DPP10: variants seen among roughly 807,000 people sequenced by gnomAD.
DPP10 encodes dipeptidyl peptidase like 10, also known as inactive dipeptidyl peptidase 10.
Under a neutral mutation model 120.9 loss-of-function variants are expected in DPP10, and 33 were observed. The observed-to-expected ratio is 0.27, with a 90% CI of 0.21 to 0.37. DPP10 has a LOEUF of 0.37. Ranked by LOEUF, DPP10 falls within the 10% of genes least tolerant of loss-of-function variation. DPP10 has a pLI of 1.00. For missense variants in DPP10, 816 were observed against 942.8 expected (o/e 0.87, Z 1.76); for synonymous variants, 337 against 326.1 (o/e 1.03, Z -0.36).
At chr2:114,721,139 T>C (rs1701681251) in intron 1 of DPP10, among the ~76,000 whole-genome samples, 1 of 152,248 alleles carries the variant, frequency 6.6e-6, no homozygotes, top group Non-Finnish European at 1.5e-5. Flanking sequence ...ATGCTCTGAC[T>C]TCTTCAAGCA....
At chr2:114,692,062 G>GT (rs1409043770) in intron 1 of DPP10, among the ~76,000 whole-genome samples, 3 of 151,860 alleles carry the variant, frequency 2.0e-5, no homozygotes, top group Non-Finnish European at 2.9e-5. Flanking sequence ...TTTTTGAAGG[G>GT]TTTTTTGTGT....
intron 1 of DPP10, among the ~76,000 whole-genome samples, chr2:114,891,006 C>T (rs989776845): frequency 1.3e-5 from 2 of 152,158 alleles, no homozygotes; most frequent in African/African-American, 4.8e-5. Flanking sequence ...TGGTTTTCAG[C>T]TGCCAGCAGT....
chr2:115,392,077 A>C (rs1421345369), intron 3 of DPP10, among the ~76,000 whole-genome samples: 1 of 152,190 alleles, frequency 6.6e-6, no homozygotes, highest in Non-Finnish European at 1.5e-5. Flanking sequence ...TCTTATGGTC[A>C]TTAAGGTCCC....
chr2:114,752,561 C>A (rs1316723864), intron 1 of DPP10, among the ~76,000 whole-genome samples: 3 of 152,160 alleles, frequency 2.0e-5, no homozygotes, highest in Non-Finnish European at 4.4e-5. Context: ...TTACTCACCG[C>A]CAAGAGCCTG....
chr2:114,460,195 A>G (rs564179933), intron 1 of DPP10, among the ~76,000 whole-genome samples: 114 of 151,874 alleles, frequency 7.5e-4, no homozygotes, highest in Non-Finnish European at 1.2e-3. Context: ...CTATCTATCT[A>G]TCTATCTATC....
chr2:115,791,461 G>A (rs1020434591), intron 19 of DPP10, 105 bp downstream of exon 19: 14 of 986,680 alleles, frequency 1.4e-5, no homozygotes, highest in African/African-American at 3.3e-5. Flanking sequence ...TCCTATGTGT[G>A]TAGTTAATCA....
intron 2 of DPP10, among the ~76,000 whole-genome samples, chr2:115,342,582 T>C (rs1574493439): frequency 2.0e-5 from 3 of 152,118 alleles, no homozygotes; most frequent in Non-Finnish European, 4.4e-5. Context: ...ATGTCTCCTA[T>C]CCTTTACAGT....
At chr2:115,449,679 T>C (rs1373380248) in intron 3 of DPP10, among the ~76,000 whole-genome samples, 4 of 152,086 alleles carry the variant, frequency 2.6e-5, no homozygotes, top group African/African-American at 4.8e-5. Flanking sequence ...ACGGAGACTT[T>C]GATTGCCATT....
chr2:115,236,003 T>C (rs1574109717), intron 1 of DPP10, among the ~76,000 whole-genome samples: 1 of 152,228 alleles, frequency 6.6e-6, no homozygotes, highest in East Asian at 1.9e-4. Context: ...AGGTCATAAC[T>C]AAAAAATTTA....
chr2:115,641,502 A>T (rs1002730706), intron 5 of DPP10, among the ~76,000 whole-genome samples: 1 of 151,950 alleles, frequency 6.6e-6, no homozygotes, highest in African/African-American at 2.4e-5. Flanking sequence ...TCTTTAAACC[A>T]GCCTACATAA....
chr2:115,619,283 G>C (rs185036761), intron 5 of DPP10, among the ~76,000 whole-genome samples: 2 of 151,246 alleles, frequency 1.3e-5, no homozygotes, highest in East Asian at 2.0e-4. Context: ...CACCATGTTA[G>C]CCAGGATAGT....
chr2:115,718,219 G>A (rs1363936085), intron 7 of DPP10, among the ~76,000 whole-genome samples: 1 of 151,372 alleles, frequency 6.6e-6, no homozygotes, highest in Non-Finnish European at 1.5e-5. Context: ...CTATGTACAG[G>A]TACACTGACC....
intron 1 of DPP10, among the ~76,000 whole-genome samples, chr2:114,818,509 C>T (rs1685821711): frequency 6.6e-6 from 1 of 152,114 alleles, no homozygotes; most frequent in Non-Finnish European, 1.5e-5. Context: ...CTGGGGATTT[C>T]CTTAGGCGAT....
chr2:114,911,882 G>A (rs1694393764), intron 1 of DPP10, among the ~76,000 whole-genome samples: 1 of 152,172 alleles, frequency 6.6e-6, no homozygotes, highest in Non-Finnish European at 1.5e-5. Context: ...CAGAGAGGGA[G>A]AGAACTTAGG....
chr2:115,652,419 G>A (rs1022557398), intron 5 of DPP10, among the ~76,000 whole-genome samples: 36 of 150,352 alleles, frequency 2.4e-4, no homozygotes, highest in East Asian at 3.9e-4. Context: ...ATGTGTGTGT[G>A]TGTGTGTGTG....
At chr2:115,331,530 G>A (rs1023383440) in intron 2 of DPP10, among the ~76,000 whole-genome samples, 4 of 152,114 alleles carry the variant, frequency 2.6e-5, no homozygotes, top group African/African-American at 9.7e-5. Context: ...CCCAGTTTTT[G>A]CCCATTCAGT....
intron 1 of DPP10, among the ~76,000 whole-genome samples, chr2:114,748,338 C>CTTTTTTTTTTTTTTT (rs1255227047): frequency 1.4e-5 from 1 of 70,324 alleles, no homozygotes; most frequent in Admixed American, 1.5e-4. Flanking sequence ...AGGGAATTTT[C>CTTTTTTTTTTTTTTT]TTTTTTTTTT....
intron 3 of DPP10, chr2:115,468,248 A>G (rs1230693967): frequency 1.6e-5 from 8 of 507,816 alleles, no homozygotes; most frequent in Admixed American, 7.9e-5. Flanking sequence ...CGCTCGTGTC[A>G]TTGTTGCCAT....
At chr2:114,681,073 T>C (rs187850196) in intron 1 of DPP10, among the ~76,000 whole-genome samples, 1 of 152,082 alleles carries the variant, frequency 6.6e-6, no homozygotes, top group African/African-American at 2.4e-5. Context: ...TCCTACCCAA[T>C]TCTGCTCCAA....
Sources: gnomAD v4.1 joint callset for allele counts (sites outside exome capture counted in the v4.1 genomes callset) on GRCh38, gnomAD v4.1.1 for gene constraint, MANE v1.5 for transcripts, NCBI Gene and HGNC (gene_info 2026-07-23, HGNC 2026-07-21) for gene names.